STX12: variants seen among roughly 807,000 people sequenced by gnomAD.
The protein encoded by STX12 is syntaxin-12.
A neutral mutation model predicts 42.2 loss-of-function variants in STX12; 17 were observed. The observed-to-expected ratio is 0.40, with a 90% CI of 0.28 to 0.60. The LOEUF is 0.60. STX12 is among the 20% of genes least tolerant of loss of function. The pLI, the probability that STX12 is intolerant of heterozygous loss-of-function variation, is 0.39. For synonymous variants in STX12, 108 were observed against 116.7 expected (o/e 0.93, Z 0.48); for missense variants, 297 against 330.9 (o/e 0.90, Z 0.79).
chr1:27,804,313 C>A (rs978921395), intron 4 of STX12, among the ~76,000 whole-genome samples: 7 of 151,802 alleles, frequency 4.6e-5, no homozygotes, highest in African/African-American at 1.7e-4. Flanking sequence ...GTAATCCCAG[C>A]TACTTGGGAG....
At chr1:27,821,306 T>C (rs2088982842) in intron 8 of STX12, among the ~76,000 whole-genome samples, 1 of 152,152 alleles carries the variant, frequency 6.6e-6, no homozygotes, top group South Asian at 2.1e-4. Flanking sequence ...ATTAATTTAG[T>C]GTCCAACAGT....
At chr1:27,777,993 A>G (rs2088638611) in intron 1 of STX12, among the ~76,000 whole-genome samples, 1 of 152,208 alleles carries the variant, frequency 6.6e-6, no homozygotes, top group African/African-American at 2.4e-5. Flanking sequence ...TTATCAAGCT[A>G]GTGCCTATCC....
chr1:27,799,505 C>A (rs2088812644), intron 3 of STX12, among the ~76,000 whole-genome samples: 1 of 120,826 alleles, frequency 8.3e-6, no homozygotes, highest in Admixed American at 7.4e-5. Context: ...TTTTTTGAGA[C>A]AGAACCTGGC....
At chr1:27,811,775 C>CTAA (rs1263277276) in intron 5 of STX12, among the ~76,000 whole-genome samples, 1 of 152,188 alleles carries the variant, frequency 6.6e-6, no homozygotes, top group Admixed American at 6.5e-5. Flanking sequence ...ACTGAAGGTA[C>CTAA]TAATGCAGCT....
At chr1:27,807,453 G>A (rs980929307) in intron 4 of STX12, among the ~76,000 whole-genome samples, 10 of 152,128 alleles carry the variant, frequency 6.6e-5, no homozygotes, top group Non-Finnish European at 4.4e-5. Flanking sequence ...AAATGAAAAG[G>A]TACTCAGCTT....
intron 4 of STX12, among the ~76,000 whole-genome samples, chr1:27,808,284 A>G (rs1029944763): frequency 5.9e-5 from 9 of 151,826 alleles, no homozygotes; most frequent in African/African-American, 2.2e-4. Context: ...ATGAAAATAC[A>G]TTGATTTTTA....
chr1:27,818,087 A>G, intron 7 of STX12, 164 bp downstream of exon 7: 1 of 611,184 alleles, frequency 1.6e-6, no homozygotes. Context: ...AAAGAAAGAA[A>G]GAAAAAGGAG....
intron 5 of STX12, among the ~76,000 whole-genome samples, chr1:27,811,118 G>A (rs1163453979): frequency 9.2e-5 from 14 of 151,570 alleles, no homozygotes; most frequent in East Asian, 1.9e-4. Flanking sequence ...TCAGGAGTTC[G>A]AGACCAGCCT....
chr1:27,802,856 C>A (rs183540003), intron 4 of STX12, among the ~76,000 whole-genome samples: 1 of 152,210 alleles, frequency 6.6e-6, no homozygotes, highest in East Asian at 1.9e-4. Flanking sequence ...GACAACTATA[C>A]TTATTGTGTT....
At chr1:27,820,971 C>T (rs1367734862) in intron 8 of STX12, among the ~76,000 whole-genome samples, 1 of 142,532 alleles carries the variant, frequency 7.0e-6, no homozygotes, top group Non-Finnish European at 1.5e-5. Flanking sequence ...GGGAATTGAA[C>T]AATGAGAACA....
chr1:27,816,423 G>C (rs1180320203), intron 6 of STX12, among the ~76,000 whole-genome samples: 1 of 152,080 alleles, frequency 6.6e-6, no homozygotes, highest in Non-Finnish European at 1.5e-5. Flanking sequence ...GCAGGGAGTT[G>C]AGATTGTGCC....
chr1:27,818,039 A>G lies in STX12; in HGVS notation c.649+116A>G, dbSNP rs965233980. On this transcript the variant is annotated intron_variant, in intron 7 of 8. Transcript: ENST00000373943. ...AGCACCATCTAGGAGTTTGAAGCCA[A>G]CCTGGGCAACATAATGAGAATTTGT... 8 of 752,336 alleles carry G rather than the reference A, an allele frequency of 1.1e-5. No individual in the cohort carries two copies. The African/African-American group carries it at 1.4e-4, about 13-fold the overall frequency. 46.6% of individuals were successfully genotyped at this position (752,336 alleles called of 1,614,324 possible).
intron 8 of STX12, chr1:27,819,997 A>T: frequency 3.4e-6 from 1 of 291,236 alleles, no homozygotes; most frequent in Non-Finnish European, 6.7e-6. Flanking sequence ...ATCTGCTATG[A>T]GGCTGTTTTA....
chr1:27,803,882 T>C (rs1052105913), intron 4 of STX12, among the ~76,000 whole-genome samples: 4 of 151,912 alleles, frequency 2.6e-5, no homozygotes, highest in Non-Finnish European at 4.4e-5. Flanking sequence ...GTGCCTGTAA[T>C]CCCAGCTACT....
rs2088993135 is a variant in STX12, at chr1:27,822,665, T to C, written c.*336T>C. 1 of 193,946 alleles carries C rather than the reference T, an allele frequency of 5.2e-6. No homozygotes were observed. The highest frequency in any genetic ancestry group is 1.1e-5 in the Non-Finnish European group (1 of 93,150). 12.0% of individuals were successfully genotyped at this position (193,946 alleles called of 1,614,324 possible). A position where few individuals can be genotyped will look rare whatever the true frequency, so the allele number is the denominator to read the frequency against. ...GACACTACAGTCTCGTAATATTGTC[T>C]TTTATGTATATACAAAATTTACCTT... is the stretch of plus-strand genomic sequence containing the variant. On this transcript the variant is annotated 3_prime_UTR_variant, in exon 9 of 9. Coordinates refer to ENST00000373943, the MANE Select transcript of STX12 (RefSeq NM_177424.3).
At position 27,814,980 on chromosome 1, in the gene STX12, A is replaced by G. The variant is rs146847228; in HGVS notation, c.576+2712A>G. 2.0e-5 allele frequency among the ~76,000 whole-genome samples: 3 copies of G among 152,344 alleles called. No individual in the cohort carries two copies. The East Asian group carries it at 5.8e-4, about 29-fold the overall frequency. On this transcript the variant is annotated intron_variant, in intron 6 of 8. Transcript: ENST00000373943. ...AAATAATACAAATGTAAAAACCAAT[A>G]CAGTGTAACAGTATTTTATATAACA...
At chr1:27,812,696 C>T (rs753687560) in intron 6 of STX12, among the ~76,000 whole-genome samples, 4 of 152,140 alleles carry the variant, frequency 2.6e-5, no homozygotes, top group Non-Finnish European at 4.4e-5. Flanking sequence ...CCTCATCGGC[C>T]TCCCAAAGTG....
chr1:27,815,973 C>T (rs1284304439), intron 6 of STX12, among the ~76,000 whole-genome samples: 1 of 151,670 alleles, frequency 6.6e-6, no homozygotes, highest in Admixed American at 6.6e-5. Flanking sequence ...GTCAGGAATT[C>T]GAGACCAGCC....
rs1044630871 is a variant in STX12, at chr1:27,804,725, C to T, written c.426+2910C>T. 4.0e-5 allele frequency among the ~76,000 whole-genome samples: 6 copies of T among 151,684 alleles called. No individual in the cohort carries two copies. In the East Asian group the frequency reaches 1.2e-3, roughly 29 times the overall value. On this transcript the variant is annotated intron_variant, in intron 4 of 8. Transcript: ENST00000373943. ...ACTCAGGACGCTGAGGCAGGAGACT[C>T]GCTTCAACCCGGGAGGCGGAGATTG...
Sources: gnomAD v4.1 joint callset for allele counts (sites outside exome capture counted in the v4.1 genomes callset) on GRCh38, gnomAD v4.1.1 for gene constraint, MANE v1.5 for transcripts, NCBI Gene and HGNC (gene_info 2026-07-23, HGNC 2026-07-21) for gene names.